CNTNAP2: variants seen among roughly 807,000 people sequenced by gnomAD.
The protein encoded by CNTNAP2 is contactin-associated protein-like 2.
Under a neutral mutation model 155.2 loss-of-function variants are expected in CNTNAP2, and 98 were observed. That is an observed-to-expected ratio of 0.63 (90% confidence interval 0.54 to 0.75). The LOEUF (loss-of-function observed/expected upper bound fraction) is 0.75, where lower values mean the gene tolerates loss of function less well. Ranked by LOEUF, CNTNAP2 falls within the 30% of genes least tolerant of loss-of-function variation. The pLI is 0.00. For missense variants in CNTNAP2, 1,727 were observed against 1,688.1 expected (o/e 1.02, Z -0.40); for synonymous variants, 651 against 631.2 (o/e 1.03, Z -0.47).
At chr7:147,363,714 C>T (rs1332463876) in intron 9 of CNTNAP2, among the ~76,000 whole-genome samples, 1 of 152,066 alleles carries the variant, frequency 6.6e-6, no homozygotes, top group Non-Finnish European at 1.5e-5. Flanking sequence ...ATTAACTTCT[C>T]ATTTTATTGT....
intron 11 of CNTNAP2, among the ~76,000 whole-genome samples, chr7:147,547,258 C>G (rs563587160): frequency 2.0e-5 from 3 of 152,226 alleles, no homozygotes; most frequent in South Asian, 2.1e-4. Context: ...TATTATTTAT[C>G]CTTTCCTTCA....
At chr7:148,228,651 G>T (rs1433110129) in intron 19 of CNTNAP2, among the ~76,000 whole-genome samples, 1 of 151,618 alleles carries the variant, frequency 6.6e-6, no homozygotes, top group Non-Finnish European at 1.5e-5. Context: ...GTGAAACCCC[G>T]TCTCTACTAA....
intron 3 of CNTNAP2, among the ~76,000 whole-genome samples, chr7:146,879,279 A>G (rs1292803009): frequency 1.3e-5 from 2 of 152,148 alleles, no homozygotes; most frequent in Non-Finnish European, 2.9e-5. Flanking sequence ...CTCTTTCTAC[A>G]TTTAAAACCA....
intron 1 of CNTNAP2, among the ~76,000 whole-genome samples, chr7:146,272,028 A>G (rs1169055210): frequency 6.6e-6 from 1 of 152,210 alleles, no homozygotes; most frequent in African/African-American, 2.4e-5. Flanking sequence ...AACTAAAATA[A>G]TCTAACACTG....
chr7:147,775,298 T>TAA lies in CNTNAP2; in HGVS notation c.2099-128266_2099-128265insAA, dbSNP rs1391807203. Among the ~76,000 whole-genome samples, 88 of 50,020 alleles carry TAA rather than the reference T, an allele frequency of 1.8e-3. 3 individuals carry two copies. The highest frequency in any genetic ancestry group is 0.013 in the African/African-American group (85 of 6,620). The allele number at this position is 50,020 out of a possible 152,430, so 32.8% of individuals were successfully genotyped here. ...ATATATTTATAAATATATATATTTATATATATTTATAAATATATATATATT... is the reference window on the plus strand; with the variant it reads ...ATATATTTATAAATATATATATTTATAAATATATTTATAAATATATATATATT... On this transcript the variant is annotated intron_variant, in intron 13 of 23. Coordinates refer to ENST00000361727, the MANE Select transcript of CNTNAP2 (RefSeq NM_014141.6).
chr7:146,456,274 G>A (rs1796553666), intron 1 of CNTNAP2, among the ~76,000 whole-genome samples: 1 of 152,112 alleles, frequency 6.6e-6, no homozygotes, highest in Non-Finnish European at 1.5e-5. Context: ...AATGTTTTCA[G>A]CAAAGCCAAC....
intron 3 of CNTNAP2, among the ~76,000 whole-genome samples, chr7:147,010,927 TTCCACAGTAGAGAAGCTGG>T: frequency 6.6e-6 from 1 of 152,118 alleles, no homozygotes. Flanking sequence ...AAATGGTACC[TTCCACAGTAGAGAAGCTGG>T]CATGTTATCA....
At chr7:146,513,207 T>A (rs796661594) in intron 1 of CNTNAP2, among the ~76,000 whole-genome samples, 44 of 152,050 alleles carry the variant, frequency 2.9e-4, no homozygotes, top group African/African-American at 1.0e-3. Context: ...AGTTTCTTGT[T>A]AGAAGTATAT....
intron 10 of CNTNAP2, among the ~76,000 whole-genome samples, chr7:147,397,685 A>T (rs1274248619): frequency 6.6e-6 from 1 of 151,888 alleles, no homozygotes; most frequent in Non-Finnish European, 1.5e-5. Flanking sequence ...GGAAGGTGAT[A>T]CTCCTGGTGG....
intron 1 of CNTNAP2, among the ~76,000 whole-genome samples, chr7:146,308,655 A>C (rs1800763814): frequency 6.6e-6 from 1 of 152,208 alleles, no homozygotes; most frequent in Non-Finnish European, 1.5e-5. Context: ...GCTGTAAAAA[A>C]TGATGAGTTC....
chr7:147,625,051 A>C (rs977964272), intron 12 of CNTNAP2, among the ~76,000 whole-genome samples: 2 of 152,186 alleles, frequency 1.3e-5, no homozygotes, highest in Admixed American at 6.5e-5. Flanking sequence ...GGGATCCAAA[A>C]ATCAAAACAA....
intron 7 of CNTNAP2, among the ~76,000 whole-genome samples, chr7:147,130,513 T>C (rs1475821899): frequency 6.6e-6 from 1 of 152,156 alleles, no homozygotes; most frequent in East Asian, 1.9e-4. Context: ...GATTATGCTC[T>C]ATAATTACAT....
chr7:147,023,295 AT>A (rs2129247309), intron 3 of CNTNAP2, among the ~76,000 whole-genome samples: 1 of 152,324 alleles, frequency 6.6e-6, no homozygotes, highest in African/African-American at 2.4e-5. Flanking sequence ...ACTAAAAAAA[AT>A]CAACTCTGAG....
chr7:147,984,798 G>A (rs1801588035), intron 15 of CNTNAP2, among the ~76,000 whole-genome samples: 1 of 151,986 alleles, frequency 6.6e-6, no homozygotes, highest in Admixed American at 6.6e-5. Flanking sequence ...GGGAGGAGAG[G>A]AACTTCACTT....
At chr7:147,422,161 GTA>G (rs546773766) in intron 10 of CNTNAP2, among the ~76,000 whole-genome samples, 55 of 136,650 alleles carry the variant, frequency 4.0e-4, no homozygotes, top group African/African-American at 1.5e-3. Context: ...TATATATACA[GTA>G]TATATATAGT....
At chr7:146,151,026 C>T (rs1312690276) in intron 1 of CNTNAP2, among the ~76,000 whole-genome samples, 5 of 152,154 alleles carry the variant, frequency 3.3e-5, no homozygotes, top group Admixed American at 6.6e-5. Context: ...ACCTTCATCA[C>T]AAGGTGGCAG....
chr7:148,413,401 A>AAAAAATATATAT (rs1442990213), intron 23 of CNTNAP2, among the ~76,000 whole-genome samples: 14 of 45,362 alleles, frequency 3.1e-4, no homozygotes, highest in African/African-American at 1.5e-3. Context: ...TCAAAAAAAA[A>AAAAAATATATAT]ATATATATAT....
At chr7:146,773,391 G>C (rs1042562715) in intron 1 of CNTNAP2, among the ~76,000 whole-genome samples, 1 of 151,994 alleles carries the variant, frequency 6.6e-6, no homozygotes, top group African/African-American at 2.4e-5. Context: ...CTGATGTCTA[G>C]TTCTTTCTTT....
chr7:146,785,718 AT>A (rs1180371484), intron 2 of CNTNAP2, among the ~76,000 whole-genome samples: 10 of 152,230 alleles, frequency 6.6e-5, no homozygotes, highest in Non-Finnish European at 1.5e-4. Flanking sequence ...TTTAAATCTC[AT>A]TTTTAAAAAT....
Sources: gnomAD v4.1 joint callset for allele counts (sites outside exome capture counted in the v4.1 genomes callset) on GRCh38, gnomAD v4.1.1 for gene constraint, MANE v1.5 for transcripts, NCBI Gene and HGNC (gene_info 2026-07-23, HGNC 2026-07-21) for gene names.